The following TMEM214 variants were observed in gnomAD, a reference collection of about 807,000 sequenced individuals.
TMEM214 encodes transmembrane protein 214.
A neutral mutation model predicts 89.8 loss-of-function variants in TMEM214; 71 were observed. That is an observed-to-expected ratio of 0.79 (90% CI 0.65 to 0.96). TMEM214 has a LOEUF of 0.96. Among genes scored for constraint, TMEM214 ranks in the 40% least tolerant of loss-of-function variants. The pLI is 0.00. For synonymous variants in TMEM214, 332 were observed against 349.5 expected (o/e 0.95, Z 0.56); for missense variants, 754 against 843.4 (o/e 0.89, Z 1.31).
Position 27,037,603 on chromosome 2 carries a change from G to C in TMEM214, c.1053G>C (p.Val351=). The change falls in exon 9 of 17, where the codon GTG becomes GTC. Residue 351 remains valine, a synonymous_variant. Transcript: ENST00000238788. ...GTCAGCTCTACCCCCGACTGAAAGT[G>C]CTGGCATTTGGAGCAAAGCCGGATT... ...QLCQLYPRLK[V]LAFGAKPDST... 1 of 1,614,118 alleles carries C rather than the reference G, an allele frequency of 6.2e-7. No individual in the cohort carries two copies. Among genetic ancestry groups the C allele is most frequent in the East Asian group, 2.2e-5 (1 of 44,884 alleles).
At position 27,038,749 on chromosome 2, in the gene TMEM214, C is replaced by T. The variant is rs17005787; in HGVS notation, c.1341C>T (p.Asn447=). Residue 447 remains asparagine, a synonymous_variant, in exon 12 of 17, where the codon AAC becomes AAT. Transcript: ENST00000238788. This position sits in a 1 kb window ranked among gnomAD's most constrained non-coding sequence, Gnocchi z 4.4. ...CCATTCAGTCCCTCAAGCTTACCAA[C>T]CAGGAGCTGCTGAGGAAGGGTAGCA... The part of the protein sequence containing the change: ...QETIQSLKLT[N]QELLRKGSSN... The T allele has an allele frequency of 1.9e-3, 3,138 of 1,614,180 alleles. 63 individuals carry two copies. In the African/African-American group the frequency reaches 0.038, roughly 20 times the overall value.
chr2:27,039,201 G>C, intron 13 of TMEM214, 37 bp downstream of exon 13: 3 of 1,579,120 alleles, frequency 1.9e-6, no homozygotes, highest in Non-Finnish European at 2.6e-6. Flanking sequence ...GATGGTGTGG[G>C]CGGGGCACAG....
At chr2:27,035,861 A>C in intron 4 of TMEM214, 109 bp from the exon 5 acceptor site, 1 of 1,578,124 alleles carries the variant, frequency 6.3e-7, no homozygotes, top group African/African-American at 1.3e-5. Flanking sequence ...GTGTGGAGGA[A>C]GTTAGGAGTC....
rs1667405751 is a variant in TMEM214, at chr2:27,033,176, C to G, written c.151+10C>G. 2 of 1,247,286 alleles carry G rather than the reference C, an allele frequency of 1.6e-6. No homozygotes were observed. Among genetic ancestry groups the G allele is most frequent in the African/African-American group, 1.6e-5 (1 of 64,434 alleles). 77.3% of individuals were successfully genotyped at this position (1,247,286 alleles called of 1,614,324 possible). Reference sequence around the variant, plus strand: ...AAATACGACCTGACCCGTGAGTACCCGCCCTGCCCCGCCGCCTACCCCAGG... The same window carrying G: ...AAATACGACCTGACCCGTGAGTACCGGCCCTGCCCCGCCGCCTACCCCAGG... On this transcript the variant is annotated intron_variant, in intron 1 of 16. Coordinates refer to ENST00000238788, the MANE Select transcript of TMEM214 (RefSeq NM_017727.5).
intron 5 of TMEM214, 105 bp from the exon 6 acceptor site, chr2:27,036,382 C>T: frequency 1.0e-6 from 1 of 999,926 alleles, no homozygotes; most frequent in South Asian, 1.3e-5. Context: ...TCTTGCTCGG[C>T]CTGTCCTCCC....
At chr2:27,035,879 C>A in intron 4 of TMEM214, 91 bp from the exon 5 acceptor site, 1 of 1,574,190 alleles carries the variant, frequency 6.4e-7, no homozygotes, top group Non-Finnish European at 8.7e-7. Context: ...GTCAGTGGAC[C>A]TGGGGCCTGG....
chr2:27,038,465 G>T lies in TMEM214; in HGVS notation c.1245-19G>T, dbSNP rs910723568. 1.2e-6 allele frequency: 2 copies of T among 1,613,742 alleles called. No homozygotes were observed. The highest frequency in any genetic ancestry group is 1.7e-4 in the Middle Eastern group (1 of 5,826). On this transcript the variant is annotated intron_variant, in intron 10 of 16. Coordinates refer to ENST00000238788, the MANE Select transcript of TMEM214 (RefSeq NM_017727.5). This position sits in a 1 kb window ranked among gnomAD's most constrained non-coding sequence, Gnocchi z 4.4. The stretch of plus-strand genomic sequence containing the variant: ...GGCTGCGCGAGCCACCTGACTAGGG[G>T]GTTGTGCTTTCCCCACAGCCTTCTG...
At chr2:27,039,888 G>A (rs1309101072) in intron 14 of TMEM214, 51 bp downstream of exon 14, 5 of 1,473,544 alleles carry the variant, frequency 3.4e-6, no homozygotes, top group African/African-American at 4.7e-5. Context: ...AGAAGGCCTG[G>A]GTGTCAGGGA....
At position 27,040,879 on chromosome 2, in the gene TMEM214, T is replaced by C. The variant is rs1263776123; in HGVS notation, c.*42T>C. The C allele has an allele frequency of 3.1e-6, 5 of 1,597,660 alleles. No individual in the cohort carries two copies. The Admixed American group carries it at 8.4e-5, about 27-fold the overall frequency. On this transcript the variant is annotated 3_prime_UTR_variant, in exon 17 of 17. Transcript: ENST00000238788. ...CACTGATTTCTGCATGGGTAGACCA[T>C]CCAAGACTGCAGCGGGTAGAAGGTG... is the stretch of plus-strand genomic sequence containing the variant.
chr2:27,038,942 T>G lies in TMEM214; in HGVS notation c.1408-105T>G. ...GCCCCCCGCTGCCTCCAGGATAATG[T>G]GAAGGCTTGACGCTCTTTCGGGAAG... On this transcript the variant is annotated intron_variant, in intron 12 of 16. Coordinates refer to ENST00000238788, the MANE Select transcript of TMEM214 (RefSeq NM_017727.5). This position sits in a 1 kb window ranked among gnomAD's most constrained non-coding sequence, Gnocchi z 4.4. 6.8e-7 allele frequency: 1 copy of G among 1,462,042 alleles called. No individual in the cohort carries two copies. Among genetic ancestry groups the G allele is most frequent in the Non-Finnish European group, 9.5e-7 (1 of 1,048,566 alleles). The allele number at this position is 1,462,042 out of a possible 1,614,324, so 90.6% of individuals were successfully genotyped here.
At position 27,036,053 on chromosome 2, in the gene TMEM214, G is replaced by A; in HGVS notation, c.720+1G>A. ...GATTGCCACGGCAAACCTAGGCAAG[G>A]TGAGCTCTCAGTGATGGTGGGGATG... On this transcript the variant is annotated splice_donor_variant, in intron 5 of 16. Transcript: ENST00000238788. LOFTEE classifies it high-confidence loss of function. 1 of 1,614,128 alleles carries A rather than the reference G, an allele frequency of 6.2e-7. No individual in the cohort carries two copies. Among genetic ancestry groups the A allele is most frequent in the Non-Finnish European group, 8.5e-7 (1 of 1,179,990 alleles).
At chr2:27,036,657 C>T (rs759958962) in intron 6 of TMEM214, 48 bp from the exon 7 acceptor site, 2 of 1,613,042 alleles carry the variant, frequency 1.2e-6, no homozygotes, top group African/African-American at 1.3e-5. Flanking sequence ...TTTGATGCCC[C>T]CAGTAGGTGC....
chr2:27,039,034 C>T lies in TMEM214; in HGVS notation c.1408-13C>T, dbSNP rs1252937776. ...TCGCTTCTGACAACTGTCTCCTGCT[C>T]CCCTCCCACCAGGGCCTGTTGCAGC... On this transcript the variant is annotated splice_polypyrimidine_tract_variant and intron_variant, in intron 12 of 16. Coordinates refer to ENST00000238788, the MANE Select transcript of TMEM214 (RefSeq NM_017727.5). 6.8e-6 allele frequency: 11 copies of T among 1,612,052 alleles called. No homozygotes were observed. Among genetic ancestry groups the T allele is most frequent in the Non-Finnish European group, 9.3e-6 (11 of 1,179,198 alleles).
At position 27,041,607 on chromosome 2, in the gene TMEM214, A is replaced by C. The variant is rs1347616728; in HGVS notation, c.*770A>C. 1 of 153,798 alleles carries C rather than the reference A, an allele frequency of 6.5e-6. No individual in the cohort carries two copies. The highest frequency in any genetic ancestry group is 1.5e-5 in the Non-Finnish European group (1 of 68,088). The allele number at this position is 153,798 out of a possible 1,614,324, so 9.5% of individuals were successfully genotyped here. A position where few individuals can be genotyped will look rare whatever the true frequency, so the allele number is the denominator to read the frequency against. On this transcript the variant is annotated 3_prime_UTR_variant, in exon 17 of 17. Coordinates refer to ENST00000238788, the MANE Select transcript of TMEM214 (RefSeq NM_017727.5). ...GCAGTTGTGTGCCTTGGGCCCAGGG[A>C]ACCCTCCATCAACCTGAGACAGGAC... is the stretch of plus-strand genomic sequence containing the variant.
In TMEM214 at chr2:27,036,742, GTC is replaced by G; in HGVS notation, c.868_869del (p.Leu290ValfsTer86). Reference sequence around the variant, plus strand: ...TCATGCTGCCTGTGCTGGGCATCAAGTCTCTGTCTCCCTTTGCCATCACATAC... The same window carrying G: ...TCATGCTGCCTGTGCTGGGCATCAAGTCTGTCTCCCTTTGCCATCACATAC... ...GIMLPVLGIKSLSPFAITYLD... is the reference protein window; with the variant it reads ...GIMLPVLGIKXLSPFAITYLD... On this transcript the variant is annotated frameshift_variant, in exon 7 of 17. Transcript: ENST00000238788. LOFTEE classifies it high-confidence loss of function. The G allele has an allele frequency of 6.2e-7, 1 of 1,614,158 alleles. No homozygotes were observed. The highest frequency in any genetic ancestry group is 8.5e-7 in the Non-Finnish European group (1 of 1,180,030).
intron 6 of TMEM214, 38 bp downstream of exon 6, chr2:27,036,630 G>T (rs749807858): frequency 6.2e-7 from 1 of 1,613,506 alleles, no homozygotes; most frequent in Non-Finnish European, 8.5e-7. Flanking sequence ...GAGGGTCTCG[G>T]AGCTGGAAAA....
At position 27,033,307 on chromosome 2, in the gene TMEM214, G is replaced by A. The variant is rs1226689188; in HGVS notation, c.151+141G>A. ...GTTGTCTCTTTGGAGCCTCACGGGA[G>A]GCAGACAGCTCCAGGGAAGGTTGCG... is the stretch of plus-strand genomic sequence containing the variant. On this transcript the variant is annotated intron_variant, in intron 1 of 16. Coordinates refer to ENST00000238788, the MANE Select transcript of TMEM214 (RefSeq NM_017727.5). The A allele has an allele frequency of 7.1e-6, 6 of 847,090 alleles. 1 individual carries two copies. In the Middle Eastern group the frequency reaches 9.0e-4, roughly 127 times the overall value. The allele number at this position is 847,090 out of a possible 1,614,324, so 52.5% of individuals were successfully genotyped here.
rs1317888837 is a variant in TMEM214, at chr2:27,040,036, G to A, written c.1629G>A (p.Leu543=). The change falls in exon 15 of 17, where the codon CTG becomes CTA. Residue 543 remains leucine, a synonymous_variant. Transcript: ENST00000238788. ...CCACTTCCATCTTCCACAGCTGGCTGGGGGAGACACTGCCGCTCTGGGGCT... is the reference window on the plus strand; with the variant it reads ...CCACTTCCATCTTCCACAGCTGGCTAGGGGAGACACTGCCGCTCTGGGGCT... The part of the protein sequence containing the change: ...YSYSLQGYSW[L]GETLPLWGSH... 6.2e-7 allele frequency: 1 copy of A among 1,604,510 alleles called. No homozygotes were observed. The highest frequency in any genetic ancestry group is 8.5e-7 in the Non-Finnish European group (1 of 1,178,906).
rs1416827630 is a variant in TMEM214, at chr2:27,038,035, G to A, written c.1153-111G>A. ...ACACTGTTTCTCCACCCCTTAGGGT[G>A]GATGTGCGGCCTGGATGGCCTTGCT... On this transcript the variant is annotated intron_variant, in intron 9 of 16. Coordinates refer to ENST00000238788, the MANE Select transcript of TMEM214 (RefSeq NM_017727.5). The surrounding 1 kb of genome is among the most constrained non-coding windows in gnomAD (Gnocchi z 4.4). The A allele has an allele frequency of 1.2e-6, 2 of 1,609,740 alleles. No individual in the cohort carries two copies. The highest frequency in any genetic ancestry group is 1.7e-4 in the Middle Eastern group (1 of 6,058).
Sources: gnomAD v4.1 joint callset for allele counts on GRCh38, gnomAD v4.1.1 for gene constraint, Gnocchi (gnomAD v3.1) non-coding constraint, MANE v1.5 for transcripts, NCBI Gene and HGNC (gene_info 2026-07-23, HGNC 2026-07-21) for gene names.